The following DGKB variants were observed in gnomAD, a reference collection of about 807,000 sequenced individuals.
DGKB encodes the protein 90 kDa diacylglycerol kinase.
Under a neutral mutation model 114.3 loss-of-function variants are expected in DGKB, and 67 were observed. The observed-to-expected ratio is 0.59, with a 90% CI of 0.48 to 0.72. The LOEUF is 0.72. DGKB is among the 30% of genes least tolerant of loss of function. DGKB has a pLI of 0.00. For synonymous variants in DGKB, 398 were observed against 323.1 expected (o/e 1.23, Z -2.49); for missense variants, 907 against 975.2 (o/e 0.93, Z 0.93).
At chr7:14,359,688 A>G (rs1053508888) in intron 21 of DGKB, among the ~76,000 whole-genome samples, 1 of 152,238 alleles carries the variant, frequency 6.6e-6, no homozygotes, top group African/African-American at 2.4e-5. Context: ...AAAAGAAGAC[A>G]TTTATACAGC....
At chr7:14,889,349 G>A (rs1354935795) in intron 1 of DGKB, among the ~76,000 whole-genome samples, 1 of 151,658 alleles carries the variant, frequency 6.6e-6, no homozygotes, top group East Asian at 1.9e-4. Context: ...ATAATCATCT[G>A]AATGGGAGGT....
chr7:14,272,618 G>A (rs1422192626), intron 23 of DGKB, among the ~76,000 whole-genome samples: 1 of 151,984 alleles, frequency 6.6e-6, no homozygotes, highest in East Asian at 1.9e-4. Context: ...TGTATCTATG[G>A]TCACTCTACT....
chr7:14,625,720 A>G (rs2128827870), intron 14 of DGKB, among the ~76,000 whole-genome samples: 1 of 152,270 alleles, frequency 6.6e-6, no homozygotes, highest in African/African-American at 2.4e-5. Context: ...ATATACAAAG[A>G]GTTGGAAAAT....
intron 21 of DGKB, among the ~76,000 whole-genome samples, chr7:14,451,055 C>T (rs1468174709): frequency 2.0e-5 from 3 of 152,028 alleles, no homozygotes; most frequent in Non-Finnish European, 2.9e-5. Context: ...TGCTACCTTT[C>T]AGCAGAAGTA....
chr7:14,399,925 G>T (rs541541245), intron 21 of DGKB, among the ~76,000 whole-genome samples: 1 of 151,618 alleles, frequency 6.6e-6, no homozygotes, highest in Admixed American at 6.6e-5. Flanking sequence ...ATACACGAAG[G>T]ACAATATTAA....
chr7:14,256,624 T>C (rs1796012109), intron 23 of DGKB, among the ~76,000 whole-genome samples: 1 of 152,204 alleles, frequency 6.6e-6, no homozygotes, highest in African/African-American at 2.4e-5. Flanking sequence ...TGATAGTTAA[T>C]GGAATATAGC....
chr7:14,603,794 T>C (rs1803991544), intron 17 of DGKB, among the ~76,000 whole-genome samples: 1 of 152,134 alleles, frequency 6.6e-6, no homozygotes. Flanking sequence ...TAAAGTTATC[T>C]TGTATTTTAT....
intron 1 of DGKB, among the ~76,000 whole-genome samples, chr7:14,942,149 T>TTTAA (rs1250836648): frequency 6.6e-6 from 1 of 151,892 alleles, no homozygotes; most frequent in East Asian, 1.9e-4. Context: ...AAACAATTTG[T>TTTAA]TTAATTAAGG....
chr7:14,459,128 C>T (rs554656631), intron 21 of DGKB, among the ~76,000 whole-genome samples: 11 of 152,276 alleles, frequency 7.2e-5, no homozygotes, highest in South Asian at 6.2e-4. Flanking sequence ...TTGGCAAAGC[C>T]GCTGTAGCCA....
chr7:14,886,660 A>T (rs1005460256), intron 1 of DGKB, among the ~76,000 whole-genome samples: 1 of 151,874 alleles, frequency 6.6e-6, no homozygotes, highest in Non-Finnish European at 1.5e-5. Flanking sequence ...TACTGCAGTA[A>T]TCTGGGCTAA....
intron 21 of DGKB, among the ~76,000 whole-genome samples, chr7:14,452,531 T>C (rs560827414): frequency 3.5e-4 from 54 of 152,226 alleles, no homozygotes; most frequent in African/African-American, 1.3e-3. Flanking sequence ...TAACTACTCC[T>C]GGCAAATCAT....
At chr7:14,792,721 C>T (rs1226148921) in intron 2 of DGKB, among the ~76,000 whole-genome samples, 1 of 127,868 alleles carries the variant, frequency 7.8e-6, no homozygotes, top group Admixed American at 7.5e-5. Flanking sequence ...AGTTACACTT[C>T]ATCTTTTTGC....
intron 6 of DGKB, among the ~76,000 whole-genome samples, chr7:14,712,130 A>C (rs1167064436): frequency 6.6e-6 from 1 of 152,204 alleles, no homozygotes; most frequent in Non-Finnish European, 1.5e-5. Context: ...CTGTGAAGTT[A>C]AATGTAAGGA....
chr7:14,656,968 T>C (rs776118075), intron 13 of DGKB, among the ~76,000 whole-genome samples: 4 of 151,710 alleles, frequency 2.6e-5, no homozygotes, highest in Non-Finnish European at 5.9e-5. Context: ...AGACAGTTTG[T>C]CAGAAAGCAA....
chr7:14,607,146 A>G (rs1214014066), intron 17 of DGKB, among the ~76,000 whole-genome samples: 2 of 137,588 alleles, frequency 1.5e-5, no homozygotes, highest in African/African-American at 2.7e-5. Context: ...ACTGGCATTC[A>G]GCTAGTTTGT....
At chr7:14,696,935 A>T (rs1199468893) in intron 8 of DGKB, among the ~76,000 whole-genome samples, 6 of 152,346 alleles carry the variant, frequency 3.9e-5, no homozygotes, top group Admixed American at 1.3e-4. Context: ...TACCGCATAG[A>T]TGTGAACAGA....
intron 23 of DGKB, among the ~76,000 whole-genome samples, chr7:14,261,384 C>CTAAG (rs1796756446): frequency 6.6e-6 from 1 of 151,872 alleles, no homozygotes. Context: ...GCAGAAATAC[C>CTAAG]TAAGTGTTGG....
At chr7:14,445,089 T>C (rs1046725818) in intron 21 of DGKB, among the ~76,000 whole-genome samples, 3 of 151,888 alleles carry the variant, frequency 2.0e-5, no homozygotes, top group African/African-American at 7.2e-5. Flanking sequence ...CGGTCACTTA[T>C]ATATTCTCAT....
intron 23 of DGKB, among the ~76,000 whole-genome samples, chr7:14,332,435 C>T (rs1448058625): frequency 6.6e-6 from 1 of 152,172 alleles, no homozygotes; most frequent in Non-Finnish European, 1.5e-5. Flanking sequence ...CCACATGGGG[C>T]TATGCAAACA....
Sources: gnomAD v4.1 joint callset for allele counts (sites outside exome capture counted in the v4.1 genomes callset) on GRCh38, gnomAD v4.1.1 for gene constraint, MANE v1.5 for transcripts, NCBI Gene and HGNC (gene_info 2026-07-23, HGNC 2026-07-21) for gene names.